Variants in TCF12 observed in about 807,000 individuals in gnomAD.
TCF12 encodes the protein transcription factor 12.
In TCF12, 45 loss-of-function variants were observed where a neutral mutation model predicts 86.0. The observed-to-expected ratio is 0.52, with a 90% CI of 0.41 to 0.67. The LOEUF is 0.67. TCF12 is among the 30% of genes least tolerant of loss of function. The probability of loss-of-function intolerance (pLI) is 0.00; values close to 1 mark genes in which losing one functional copy is unlikely to be tolerated. For missense variants in TCF12, 881 were observed against 859.9 expected, an observed-to-expected ratio of 1.02 and a Z score of -0.31; for synonymous variants, 330 against 299.6, an observed-to-expected ratio of 1.10 and a Z score of -1.05.
rs532316397 is a variant in TCF12 at position 57,233,144 on chromosome 15, A to G, written c.970+288A>G. Among the ~76,000 whole-genome samples the G allele has an allele frequency of 1.9e-3, 292 of 150,208 alleles. 2 individuals carry two copies. Among genetic ancestry groups the G allele is most frequent in the African/African-American group, 6.8e-3 (278 of 40,858 alleles). ...TGTATATATGTATATATGTATATAT[A>G]TGTGTATATATGTGTGTGTATATAT... On this transcript the variant is annotated intron_variant, in intron 11 of 20. Transcript: ENST00000333725.
chr15:57,012,607 G>T (rs1467419898), intron 3 of TCF12, among the ~76,000 whole-genome samples: 1 of 152,232 alleles, frequency 6.6e-6, no homozygotes, highest in African/African-American at 2.4e-5. Flanking sequence ...CAGAGGGGAA[G>T]GAAGCAGGAT....
chr15:57,260,450 A>G (rs1310271332), intron 16 of TCF12, among the ~76,000 whole-genome samples: 2 of 152,216 alleles, frequency 1.3e-5, no homozygotes, highest in Non-Finnish European at 2.9e-5. Flanking sequence ...TACACTAAGT[A>G]TACATATGTT....
intron 3 of TCF12, among the ~76,000 whole-genome samples, chr15:56,951,298 A>G (rs982162525): frequency 4.3e-4 from 66 of 152,280 alleles, no homozygotes; most frequent in African/African-American, 1.5e-3. Flanking sequence ...TCTAATTACT[A>G]ATGATGTTGA....
At chr15:56,942,078 C>T (rs2060803860) in intron 3 of TCF12, among the ~76,000 whole-genome samples, 1 of 151,850 alleles carries the variant, frequency 6.6e-6, no homozygotes, top group African/African-American at 2.4e-5. Context: ...GATTGTAAAA[C>T]TTCCAGATTT....
chr15:57,106,632 G>C (rs1044497061), intron 5 of TCF12, among the ~76,000 whole-genome samples: 1 of 152,130 alleles, frequency 6.6e-6, no homozygotes, highest in East Asian at 1.9e-4. Context: ...AAAAAGACAG[G>C]CCACAGAATG....
chr15:57,131,571 A>G (rs1265615145), intron 5 of TCF12, among the ~76,000 whole-genome samples: 2 of 152,232 alleles, frequency 1.3e-5, no homozygotes, highest in East Asian at 3.8e-4. Context: ...GCAATCACTC[A>G]TCATCAATTT....
At chr15:56,947,859 G>A (rs1453754279) in intron 3 of TCF12, among the ~76,000 whole-genome samples, 1 of 152,164 alleles carries the variant, frequency 6.6e-6, no homozygotes, top group African/African-American at 2.4e-5. Context: ...TGATGCCCCT[G>A]GGGGTCACTG....
chr15:57,147,434 T>G (rs1432692860), intron 5 of TCF12, among the ~76,000 whole-genome samples: 1 of 152,202 alleles, frequency 6.6e-6, no homozygotes, highest in Non-Finnish European at 1.5e-5. Flanking sequence ...TAGTTTGTTT[T>G]TTAAATTAAT....
rs529172442 is a variant in TCF12 at position 57,286,679 on chromosome 15, T to C, written c.*534T>C. On this transcript the variant is annotated 3_prime_UTR_variant, in exon 21 of 21. Coordinates refer to ENST00000333725, the MANE Select transcript of TCF12 (RefSeq NM_207037.2). ...ATTCCCGGCATACCTATTAGTGTCT[T>C]AAAAAGGAAGGGAAAAGTCTTTTGT... is the stretch of plus-strand genomic sequence containing the variant. The C allele has an allele frequency of 1.8e-4, 81 of 456,564 alleles. No individual in the cohort carries two copies. Among genetic ancestry groups the C allele is most frequent in the Admixed American group, 7.1e-4 (30 of 42,526 alleles). The allele number at this position is 456,564 out of a possible 1,614,324, so 28.3% of individuals were successfully genotyped here. A position where few individuals can be genotyped will look rare whatever the true frequency, so the allele number is the denominator to read the frequency against.
At chr15:57,091,234 A>G (rs547259860) in intron 4 of TCF12, among the ~76,000 whole-genome samples, 1 of 152,218 alleles carries the variant, frequency 6.6e-6, no homozygotes, top group East Asian at 1.9e-4. Flanking sequence ...AATATTTGCC[A>G]TTTAGGAAAG....
chr15:57,039,037 A>G (rs2066709143), intron 3 of TCF12, among the ~76,000 whole-genome samples: 1 of 152,182 alleles, frequency 6.6e-6, no homozygotes, highest in African/African-American at 2.4e-5. Flanking sequence ...CTTAATTGTC[A>G]AATGATACTT....
intron 3 of TCF12, among the ~76,000 whole-genome samples, chr15:56,942,289 T>C (rs1422216550): frequency 6.6e-6 from 1 of 152,230 alleles, no homozygotes; most frequent in Non-Finnish European, 1.5e-5. Flanking sequence ...TCAAAAAATA[T>C]AAATGCCACT....
chr15:57,243,138 G>C (rs1338954082), intron 12 of TCF12, among the ~76,000 whole-genome samples: 1 of 152,168 alleles, frequency 6.6e-6, no homozygotes, highest in African/African-American at 2.4e-5. Context: ...CACTTAGTTA[G>C]ATAACATATT....
intron 8 of TCF12, among the ~76,000 whole-genome samples, chr15:57,207,522 T>A (rs2057888840): frequency 1.3e-5 from 2 of 151,916 alleles, no homozygotes; most frequent in Admixed American, 1.3e-4. Flanking sequence ...AATACAAAAA[T>A]TAGCCAGGCA....
chr15:56,961,937 T>C (rs2061773889), intron 3 of TCF12, among the ~76,000 whole-genome samples: 1 of 151,628 alleles, frequency 6.6e-6, no homozygotes, highest in African/African-American at 2.4e-5. Flanking sequence ...GGTCAGGAGA[T>C]CGAGACCACG....
chr15:56,949,788 A>G (rs1224305031), intron 3 of TCF12, among the ~76,000 whole-genome samples: 2 of 152,188 alleles, frequency 1.3e-5, no homozygotes, highest in East Asian at 3.8e-4. Flanking sequence ...CAACCTGGAA[A>G]GTTCTTTAAT....
At chr15:57,223,468 T>G (rs1425622679) in intron 8 of TCF12, among the ~76,000 whole-genome samples, 1 of 151,964 alleles carries the variant, frequency 6.6e-6, no homozygotes, top group Non-Finnish European at 1.5e-5. Context: ...GTGGTCAGAG[T>G]AACAATTTCA....
At position 57,038,799 on chromosome 15, in the gene TCF12, G is replaced by C. The variant is rs1001893881; in HGVS notation, c.149-24951G>C. Among the ~76,000 whole-genome samples the C allele has an allele frequency of 3.3e-5, 5 of 152,310 alleles. No individual in the cohort carries two copies. In the South Asian group the frequency reaches 1.0e-3, roughly 32 times the overall value. On this transcript the variant is annotated intron_variant, in intron 3 of 20. Transcript: ENST00000333725. Reference sequence around the variant, plus strand: ...GGAGATCTGCATTTTTCTTTAGCTAGTCCTTGTTCCAAGTATATTGTAGAC... The same window carrying C: ...GGAGATCTGCATTTTTCTTTAGCTACTCCTTGTTCCAAGTATATTGTAGAC...
At chr15:57,215,042 G>A (rs2058275731) in intron 8 of TCF12, among the ~76,000 whole-genome samples, 1 of 152,088 alleles carries the variant, frequency 6.6e-6, no homozygotes, top group Admixed American at 6.6e-5. Context: ...TTTCACTGGA[G>A]TTTTATATTC....
Sources: gnomAD v4.1 joint callset for allele counts (sites outside exome capture counted in the v4.1 genomes callset) on GRCh38, gnomAD v4.1.1 for gene constraint, MANE v1.5 for transcripts, NCBI Gene and HGNC (gene_info 2026-07-23, HGNC 2026-07-21) for gene names.